AUTS2: variants seen among roughly 807,000 people sequenced by gnomAD.
The protein encoded by AUTS2 is activator of transcription and developmental regulator AUTS2.
A neutral mutation model predicts 112.4 loss-of-function variants in AUTS2; 17 were observed. That is an observed-to-expected ratio of 0.15 (90% CI 0.10 to 0.23). The LOEUF is 0.23. Ranked by LOEUF, AUTS2 falls within the 10% of genes least tolerant of loss-of-function variation. The pLI is 1.00. For synonymous variants in AUTS2, 751 were observed against 702.7 expected (o/e 1.07, Z -1.09); for missense variants, 1,510 against 1,701.6 (o/e 0.89, Z 1.98).
intron 2 of AUTS2, among the ~76,000 whole-genome samples, chr7:70,023,489 C>CT (rs1800374576): frequency 6.6e-6 from 1 of 152,180 alleles, no homozygotes; most frequent in South Asian, 2.1e-4. Flanking sequence ...GCATTGGAGT[C>CT]TGTCTCCCAG....
At position 70,791,024 on chromosome 7, in the gene AUTS2, G is replaced by A; in HGVS notation, c.*28G>A. 1.4e-6 allele frequency: 2 copies of A among 1,474,002 alleles called. No individual in the cohort carries two copies. Among genetic ancestry groups the A allele is most frequent in the Non-Finnish European group, 1.8e-6 (2 of 1,116,498 alleles). The allele number at this position is 1,474,002 out of a possible 1,614,324, so 91.3% of individuals were successfully genotyped here. On this transcript the variant is annotated 3_prime_UTR_variant, in exon 19 of 19. Transcript: ENST00000342771. Reference sequence around the variant, plus strand: ...CGAGAACAGGAGCAAGAACGAGGAAGAAGAAACCCTAGGCAGACACCAGGC... The same window carrying A: ...CGAGAACAGGAGCAAGAACGAGGAAAAAGAAACCCTAGGCAGACACCAGGC...
At chr7:69,735,602 C>G (rs1024145055) in intron 1 of AUTS2, among the ~76,000 whole-genome samples, 10 of 152,176 alleles carry the variant, frequency 6.6e-5, no homozygotes, top group Admixed American at 5.9e-4. Context: ...GGGGCACAAA[C>G]AGATTAAGCC....
chr7:69,733,789 C>T (rs1216382682), intron 1 of AUTS2, among the ~76,000 whole-genome samples: 1 of 152,078 alleles, frequency 6.6e-6, no homozygotes, highest in Non-Finnish European at 1.5e-5. Flanking sequence ...CAAGGAGTCT[C>T]CCAACATTCA....
chr7:70,427,849 G>A (rs1235522461), intron 4 of AUTS2, among the ~76,000 whole-genome samples: 2 of 152,164 alleles, frequency 1.3e-5, no homozygotes, highest in Admixed American at 6.5e-5. Flanking sequence ...AAAAATGTCA[G>A]ATTCTGAGAA....
At chr7:70,077,759 C>T (rs545499537) in intron 2 of AUTS2, among the ~76,000 whole-genome samples, 73 of 152,298 alleles carry the variant, frequency 4.8e-4, no homozygotes, top group African/African-American at 1.7e-3. Flanking sequence ...AGCCATCAGG[C>T]TGCACTCTCT....
chr7:70,515,308 T>C (rs1799371645), intron 5 of AUTS2, among the ~76,000 whole-genome samples: 1 of 152,046 alleles, frequency 6.6e-6, no homozygotes, highest in South Asian at 2.1e-4. Flanking sequence ...TTAAGAGGCT[T>C]TTGCAAGAAT....
intron 1 of AUTS2, among the ~76,000 whole-genome samples, chr7:69,741,284 C>T (rs1183197854): frequency 6.6e-6 from 1 of 152,170 alleles, no homozygotes; most frequent in Non-Finnish European, 1.5e-5. Flanking sequence ...CTGGGCACCA[C>T]CATTTTCCAG....
intron 1 of AUTS2, among the ~76,000 whole-genome samples, chr7:69,848,327 G>T (rs931970891): frequency 1.3e-5 from 2 of 152,098 alleles, no homozygotes; most frequent in Non-Finnish European, 2.9e-5. Flanking sequence ...GATGTATCCA[G>T]GCTTTTAATA....
intron 5 of AUTS2, among the ~76,000 whole-genome samples, chr7:70,476,046 T>TA (rs1451476955): frequency 7.9e-5 from 12 of 151,730 alleles, no homozygotes; most frequent in African/African-American, 1.9e-4. Context: ...GAAAAAAAGA[T>TA]AAAAAAAGCA....
intron 2 of AUTS2, among the ~76,000 whole-genome samples, chr7:69,951,396 C>A (rs565069613): frequency 6.6e-6 from 1 of 151,950 alleles, no homozygotes; most frequent in South Asian, 2.1e-4. Flanking sequence ...ATTGTATTTT[C>A]TTTTCGTCAG....
intron 5 of AUTS2, among the ~76,000 whole-genome samples, chr7:70,689,283 A>C (rs1039377577): frequency 5.3e-5 from 8 of 152,274 alleles, no homozygotes; most frequent in East Asian, 3.9e-4. Flanking sequence ...CAAGAGGCTG[A>C]GGTAGGAGGA....
intron 4 of AUTS2, among the ~76,000 whole-genome samples, chr7:70,154,810 C>T (rs183943074): frequency 1.3e-5 from 2 of 152,278 alleles, no homozygotes; most frequent in Admixed American, 6.5e-5. Context: ...GAGTGAAACT[C>T]GCTGCTATTA....
intron 1 of AUTS2, among the ~76,000 whole-genome samples, chr7:69,629,013 A>G (rs17140721): frequency 0.032 from 4,888 of 152,248 alleles, 286 homozygotes; most frequent in African/African-American, 0.11. Context: ...TAACCCTTTG[A>G]GAAAGGTCAG....
At chr7:70,495,673 CA>C (rs144357801) in intron 5 of AUTS2, among the ~76,000 whole-genome samples, 2 of 138,010 alleles carry the variant, frequency 1.4e-5, no homozygotes, top group African/African-American at 2.7e-5. Flanking sequence ...TCACACACCC[CA>C]CTCACACACA....
chr7:70,111,244 C>T (rs1365533969), intron 2 of AUTS2, among the ~76,000 whole-genome samples: 2 of 152,040 alleles, frequency 1.3e-5, no homozygotes, highest in African/African-American at 4.8e-5. Context: ...AAGTACTTGT[C>T]CCTTATTTAC....
chr7:69,682,008 G>T (rs1796821370), intron 1 of AUTS2, among the ~76,000 whole-genome samples: 5 of 152,164 alleles, frequency 3.3e-5, no homozygotes, highest in Admixed American at 3.3e-4. Flanking sequence ...CTGTGAAATG[G>T]AAATAATAAT....
At chr7:69,839,060 G>A (rs1394531833) in intron 1 of AUTS2, among the ~76,000 whole-genome samples, 1 of 152,112 alleles carries the variant, frequency 6.6e-6, no homozygotes, top group African/African-American at 2.4e-5. Context: ...CTGCATTATT[G>A]TAGATTTGCA....
chr7:70,221,853 C>T (rs1335002044), intron 4 of AUTS2, among the ~76,000 whole-genome samples: 4 of 152,208 alleles, frequency 2.6e-5, no homozygotes, highest in Admixed American at 6.5e-5. Context: ...TGCCATTGCA[C>T]TCCAGCCTAG....
intron 5 of AUTS2, among the ~76,000 whole-genome samples, chr7:70,459,180 G>T (rs1226709459): frequency 1.3e-5 from 2 of 152,152 alleles, no homozygotes; most frequent in Non-Finnish European, 2.9e-5. Flanking sequence ...TTTTCTTCAG[G>T]TCATTAGTCA....
Sources: gnomAD v4.1 joint callset for allele counts (sites outside exome capture counted in the v4.1 genomes callset) on GRCh38, gnomAD v4.1.1 for gene constraint, MANE v1.5 for transcripts, NCBI Gene and HGNC (gene_info 2026-07-23, HGNC 2026-07-21) for gene names.